The following PLEKHA8 variants were observed in gnomAD, a reference collection of about 807,000 sequenced individuals.
The protein encoded by PLEKHA8 is pleckstrin homology domain containing A8, also known as pleckstrin homology domain-containing family A member 8.
Under a neutral mutation model 68.2 loss-of-function variants are expected in PLEKHA8, and 36 were observed. The observed-to-expected ratio is 0.53, with a 90% CI of 0.40 to 0.70. The LOEUF is 0.70. PLEKHA8 is among the 30% of genes least tolerant of loss of function. The pLI is 0.00. For synonymous variants in PLEKHA8, 211 were observed against 216.1 expected (o/e 0.98, Z 0.20); for missense variants, 505 against 615.4 (o/e 0.82, Z 1.90).
At chr7:30,046,092 C>G in intron 2 of PLEKHA8, 118 bp from the exon 3 acceptor site, 1 of 942,050 alleles carries the variant, frequency 1.1e-6, no homozygotes, top group Non-Finnish European at 1.5e-6. Context: ...GACTGGCATC[C>G]TCTTTGGGAA....
intron 4 of PLEKHA8, among the ~76,000 whole-genome samples, chr7:30,048,829 A>G (rs539928803): frequency 1.3e-5 from 2 of 150,806 alleles, no homozygotes; most frequent in Admixed American, 1.3e-4. Context: ...TATGTGTGAG[A>G]TAGACTGTGA....
In PLEKHA8 at chr7:30,096,516, T is replaced by A. The variant is rs559924555; in HGVS notation, c.1362+22384T>A. ...CTTTTCCTAATTGAATGCCCTTTATTTCCTTCTCCTGCCTGATTGCCCTGG... is the reference window on the plus strand; with the variant it reads ...CTTTTCCTAATTGAATGCCCTTTATATCCTTCTCCTGCCTGATTGCCCTGG... On this transcript the variant is annotated intron_variant, in intron 13 of 13. Transcript: ENST00000396257. Among the ~76,000 whole-genome samples the A allele has an allele frequency of 2.1e-3, 317 of 152,320 alleles. 2 individuals are homozygous for A. The highest frequency in any genetic ancestry group is 7.3e-3 in the African/African-American group (305 of 41,554).
chr7:30,054,943 A>G (rs1176528086), intron 8 of PLEKHA8, 78 bp downstream of exon 8: 3 of 1,347,992 alleles, frequency 2.2e-6, no homozygotes, highest in Non-Finnish European at 2.1e-6. Context: ...TGTTCCTTTC[A>G]GGTGATGGCA....
intron 13 of PLEKHA8, among the ~76,000 whole-genome samples, chr7:30,110,193 A>G (rs1796224587): frequency 6.6e-6 from 1 of 151,856 alleles, no homozygotes; most frequent in Non-Finnish European, 1.5e-5. Context: ...CCTCCCTCCT[A>G]TGGCCCTAGG....
At chr7:30,062,612 T>A (rs1399399979) in intron 11 of PLEKHA8, 60 bp from the exon 12 acceptor site, 1 of 1,253,536 alleles carries the variant, frequency 8.0e-7, no homozygotes, top group African/African-American at 1.5e-5. Flanking sequence ...GCCATTTCTT[T>A]ATACCCACTC....
chr7:30,055,214 T>C (rs1395812135), intron 8 of PLEKHA8, 43 bp from the exon 9 acceptor site: 2 of 1,543,972 alleles, frequency 1.3e-6, no homozygotes, highest in South Asian at 2.2e-5. Context: ...GTGCTGATAC[T>C]GTATTTTCAA....
Position 30,078,559 on chromosome 7 carries a change from A to G in PLEKHA8, c.1363-31A>G, listed in dbSNP as rs765127943. On this transcript the variant is annotated intron_variant, in intron 13 of 13. Transcript: ENST00000449726. ...AATAAGAGTGTGAGAGACAGACTTG[A>G]TGCAGATTCTCATGGGTTATTCTTT... The G allele has an allele frequency of 3.7e-6, 6 of 1,610,110 alleles. No homozygotes were observed. In the South Asian group the frequency reaches 6.6e-5, roughly 18 times the overall value.
chr7:30,054,783 T>A lies in PLEKHA8; in HGVS notation c.871T>A (p.Ser291Thr). The stretch of plus-strand genomic sequence containing the variant: ...TGACAATAACTTGACTCAGTCTGGA[T>A]CAGACTCAAGTTGCTCTCCGGAATG... ...NHDNNLTQSG[S>T]DSSCSPECLW... Residue 291 changes from serine to threonine, a missense_variant, in exon 8 of 14, where the codon TCA becomes ACA. Physicochemically the swap from Ser to Thr is moderately conservative, Grantham distance 58 (BLOSUM62 1). Coordinates refer to ENST00000449726, the MANE Select transcript of PLEKHA8 (RefSeq NM_001197026.2). 6.2e-7 allele frequency: 1 copy of A among 1,610,114 alleles called. No individual in the cohort carries two copies. Among genetic ancestry groups the A allele is most frequent in the Non-Finnish European group, 8.5e-7 (1 of 1,176,986 alleles).
chr7:30,049,191 G>T (rs534437245), intron 4 of PLEKHA8, 33 bp from the exon 5 acceptor site: 2 of 1,612,940 alleles, frequency 1.2e-6, no homozygotes, highest in South Asian at 2.2e-5. Flanking sequence ...TTTTGGCAAG[G>T]TAAAGGAGTC....
At chr7:30,056,245 C>G (rs1212625666) in intron 9 of PLEKHA8, among the ~76,000 whole-genome samples, 1 of 138,220 alleles carries the variant, frequency 7.2e-6, no homozygotes, top group Non-Finnish European at 1.5e-5. Context: ...GCCCGGCCTG[C>G]AAAACATATT....
chr7:30,047,246 A>G (rs762341530), intron 3 of PLEKHA8, among the ~76,000 whole-genome samples: 1 of 152,166 alleles, frequency 6.6e-6, no homozygotes, highest in Non-Finnish European at 1.5e-5. Flanking sequence ...GAAACAGAAA[A>G]GTGATAATAA....
chr7:30,078,551 C>A (rs1251859252), intron 13 of PLEKHA8, 39 bp from the exon 14 acceptor site: 5 of 1,604,144 alleles, frequency 3.1e-6, no homozygotes, highest in Non-Finnish European at 4.3e-6. Context: ...GTGTGAGAGA[C>A]AGACTTGATG....
Position 30,116,166 on chromosome 7 carries a change from G to T in PLEKHA8, c.1363-13100G>T, listed in dbSNP as rs866972589. ...CATACGCATACATACACGTATACAT[G>T]TGTATACATATGTATACATACGCAT... On this transcript the variant is annotated intron_variant, in intron 13 of 13. Coordinates refer to the PLEKHA8 transcript ENST00000396257. Among the ~76,000 whole-genome samples, 83 of 150,114 alleles carry T rather than the reference G, an allele frequency of 5.5e-4. 1 individual carries two copies. Among genetic ancestry groups the T allele is most frequent in the African/African-American group, 1.8e-3 (75 of 40,928 alleles).
At chr7:30,086,611 C>G (rs1795193000), downstream of PLEKHA8, among the ~76,000 whole-genome samples, 1 of 151,468 alleles carries the variant, frequency 6.6e-6, no homozygotes, top group Non-Finnish European at 1.5e-5. Context: ...GTGCATGCCA[C>G]TTGCTATTAC....
chr7:30,119,373 T>C (rs966384492), intron 13 of PLEKHA8, among the ~76,000 whole-genome samples: 1 of 152,164 alleles, frequency 6.6e-6, no homozygotes, highest in Non-Finnish European at 1.5e-5. Context: ...ATCTCATAGC[T>C]AGTACATGAA....
chr7:30,046,250 TG>T lies in PLEKHA8; in HGVS notation c.202del (p.Glu68AsnfsTer6). On this transcript the variant is annotated frameshift_variant, in exon 3 of 14. Transcript: ENST00000449726. LOFTEE classifies it high-confidence loss of function. ...DNTRMDLIIP[G>X]EQYFYLKARS... ...ATACACGCATGGACCTGATAATCCC[TG>T]GGGAACAGTATTTCTACCTGAAGGC... 1 of 1,613,628 alleles carries T rather than the reference TG, an allele frequency of 6.2e-7. No homozygotes were observed. The highest frequency in any genetic ancestry group is 8.5e-7 in the Non-Finnish European group (1 of 1,179,708).
intron 13 of PLEKHA8, among the ~76,000 whole-genome samples, chr7:30,102,534 G>A (rs1346162482): frequency 6.6e-6 from 1 of 152,196 alleles, no homozygotes; most frequent in East Asian, 1.9e-4. Context: ...GGGCCTATCA[G>A]CAGATGAATG....
At chr7:30,046,748 T>G (rs1010331730) in intron 3 of PLEKHA8, among the ~76,000 whole-genome samples, 1 of 152,210 alleles carries the variant, frequency 6.6e-6, no homozygotes, top group Non-Finnish European at 1.5e-5. Flanking sequence ...GAGTATCCAG[T>G]CTGTGGCCAA....
intron 1 of PLEKHA8, among the ~76,000 whole-genome samples, chr7:30,031,826 G>A (rs62446673): frequency 0.13 from 19,625 of 152,060 alleles, 1,294 homozygotes; most frequent in Middle Eastern, 0.19. Context: ...AAATCGATAG[G>A]TATTAATTAC....
Sources: allele counts gnomAD v4.1 joint callset (sites outside exome capture counted in the v4.1 genomes callset), GRCh38; gene constraint gnomAD v4.1.1; transcripts MANE v1.5; gene names NCBI Gene and HGNC (gene_info 2026-07-23, HGNC 2026-07-21).